Variants in TBC1D5 observed in about 807,000 individuals in gnomAD.
The protein encoded by TBC1D5 is TBC1 domain family member 5.
In TBC1D5, 75 loss-of-function variants were observed where a neutral mutation model predicts 100.3. The observed-to-expected ratio is 0.75, with a 90% CI of 0.62 to 0.91. The LOEUF (loss-of-function observed/expected upper bound fraction) is 0.91. Among genes scored for constraint, TBC1D5 ranks in the 40% least tolerant of loss-of-function variants. The pLI is 0.00. For missense variants in TBC1D5, 910 were observed against 942.4 expected (o/e 0.97, Z 0.45); for synonymous variants, 323 against 325.6 (o/e 0.99, Z 0.09).
At chr3:17,603,363 G>A (rs563986236) in intron 2 of TBC1D5, among the ~76,000 whole-genome samples, 8 of 152,072 alleles carry the variant, frequency 5.3e-5, no homozygotes, top group African/African-American at 1.4e-4. Context: ...CCAGAAGAAC[G>A]CACAAAAACC....
chr3:17,552,694 A>T (rs945649533), intron 2 of TBC1D5, among the ~76,000 whole-genome samples: 2 of 152,136 alleles, frequency 1.3e-5, no homozygotes, highest in African/African-American at 2.4e-5. Flanking sequence ...AATTTCAAAA[A>T]GTTGATGAGA....
At position 17,428,431 on chromosome 3, in the gene TBC1D5, A is replaced by G. The variant is rs368955593; in HGVS notation, c.167+19T>C. 2.1e-4 allele frequency: 149 copies of G among 714,146 alleles called. No individual in the cohort carries two copies. Among genetic ancestry groups the G allele is most frequent in the East Asian group, 5.8e-4 (15 of 25,940 alleles). 44.2% of individuals were successfully genotyped at this position (714,146 alleles called of 1,614,324 possible). ...TGTGTGTATATATATATATATATAT[A>G]TATGTATTCATCACCTACCTATAGG... On this transcript the variant is annotated intron_variant, in intron 4 of 21. Transcript: ENST00000253692.
chr3:17,709,965 G>A (rs1369380169), intron 1 of TBC1D5, among the ~76,000 whole-genome samples: 4 of 152,078 alleles, frequency 2.6e-5, no homozygotes, highest in African/African-American at 4.8e-5. Context: ...CTGTCCTCTC[G>A]GGAAGGAGCA....
At chr3:17,715,769 T>C (rs1431561115) in intron 1 of TBC1D5, among the ~76,000 whole-genome samples, 2 of 151,748 alleles carry the variant, frequency 1.3e-5, no homozygotes, top group African/African-American at 4.8e-5. Context: ...ACCACTGCAC[T>C]CTACCCTGGA....
At chr3:17,450,377 G>T (rs1218878720) in intron 3 of TBC1D5, among the ~76,000 whole-genome samples, 3 of 152,180 alleles carry the variant, frequency 2.0e-5, no homozygotes, top group African/African-American at 7.2e-5. Context: ...ACTGGACAGA[G>T]AATGAGTTTG....
intron 2 of TBC1D5, among the ~76,000 whole-genome samples, chr3:17,539,137 G>C (rs903074985): frequency 6.6e-6 from 1 of 152,154 alleles, no homozygotes; most frequent in African/African-American, 2.4e-5. Flanking sequence ...AATAAGCCAA[G>C]ATCGCACCAC....
At chr3:17,406,670 C>T (rs983713927) in intron 4 of TBC1D5, 144 bp from the exon 5 acceptor site, 17 of 621,328 alleles carry the variant, frequency 2.7e-5, no homozygotes, top group East Asian at 5.8e-5. Flanking sequence ...TGTTTCTGAA[C>T]GCATGGCTGT....
At chr3:17,186,286 A>G (rs2069061739) in intron 18 of TBC1D5, among the ~76,000 whole-genome samples, 1 of 152,224 alleles carries the variant, frequency 6.6e-6, no homozygotes, top group African/African-American at 2.4e-5. Flanking sequence ...GGAAATTAAT[A>G]GTTGAAAAGG....
rs780098102 is a variant in TBC1D5, at chr3:17,177,491, T to C, written c.1852+7618A>G. ...AGGCAGTGGGCTCTCTGCCCAGAGTTTAGGTGCATGCATGTTTGAAGCATG... is the reference window on the plus strand; with the variant it reads ...AGGCAGTGGGCTCTCTGCCCAGAGTCTAGGTGCATGCATGTTTGAAGCATG... On this transcript the variant is annotated intron_variant, in intron 19 of 21. Transcript: ENST00000253692. 4.5e-4 allele frequency among the ~76,000 whole-genome samples: 68 copies of C among 152,268 alleles called. 1 individual carries two copies. Among genetic ancestry groups the C allele is most frequent in the South Asian group, 6.2e-4 (3 of 4,822 alleles).
chr3:17,218,968 G>C (rs1041458155), intron 17 of TBC1D5, among the ~76,000 whole-genome samples: 3 of 151,698 alleles, frequency 2.0e-5, no homozygotes, highest in African/African-American at 7.3e-5. Context: ...AAATATTTCA[G>C]CCAGCATTTC....
intron 13 of TBC1D5, among the ~76,000 whole-genome samples, chr3:17,347,436 T>C (rs896082879): frequency 2.0e-5 from 3 of 152,158 alleles, no homozygotes; most frequent in Non-Finnish European, 1.5e-5. Context: ...TCTTGTTTCC[T>C]CTCAATATAG....
chr3:17,247,019 T>C (rs1311110042), intron 16 of TBC1D5, among the ~76,000 whole-genome samples: 1 of 152,190 alleles, frequency 6.6e-6, no homozygotes, highest in Non-Finnish European at 1.5e-5. Flanking sequence ...ACCTGTTTTT[T>C]TTCACCTGGG....
chr3:17,252,802 A>G (rs533205307), intron 16 of TBC1D5, among the ~76,000 whole-genome samples: 1 of 152,348 alleles, frequency 6.6e-6, no homozygotes, highest in Admixed American at 6.5e-5. Flanking sequence ...CTCTGTGAGA[A>G]CAGGCACCAC....
intron 2 of TBC1D5, among the ~76,000 whole-genome samples, chr3:17,574,899 C>T (rs2096648372): frequency 6.6e-6 from 1 of 152,086 alleles, no homozygotes; most frequent in South Asian, 2.1e-4. Flanking sequence ...GCTACAGGAA[C>T]AACAAGTGAG....
intron 3 of TBC1D5, among the ~76,000 whole-genome samples, chr3:17,496,907 CCTT>C (rs2095714200): frequency 6.6e-6 from 1 of 152,136 alleles, no homozygotes. Context: ...TTTACAAAAA[CCTT>C]CTACCTGGCC....
At chr3:17,435,127 C>T (rs2094512198) in intron 3 of TBC1D5, among the ~76,000 whole-genome samples, 1 of 152,188 alleles carries the variant, frequency 6.6e-6, no homozygotes, top group African/African-American at 2.4e-5. Context: ...AAGTTCCAAA[C>T]TTTCCCACAT....
chr3:17,508,598 G>A, exon 3 of TBC1D5: 1 of 1,516,066 alleles, frequency 6.6e-7, no homozygotes. Context: ...GTCACCAAAA[G>A]TAACTACCTG....
At chr3:17,417,797 C>G (rs2094119767) in intron 4 of TBC1D5, among the ~76,000 whole-genome samples, 1 of 152,138 alleles carries the variant, frequency 6.6e-6, no homozygotes, top group Non-Finnish European at 1.5e-5. Context: ...AACTAGTTTA[C>G]AGTCCCACCA....
chr3:17,476,751 T>C (rs2095442720), intron 3 of TBC1D5, among the ~76,000 whole-genome samples: 1 of 151,964 alleles, frequency 6.6e-6, no homozygotes. Context: ...TCTATATTTA[T>C]TCAGGTCTTC....
Sources: allele counts gnomAD v4.1 joint callset (sites outside exome capture counted in the v4.1 genomes callset), GRCh38; gene constraint gnomAD v4.1.1; transcripts MANE v1.5; gene names NCBI Gene and HGNC (gene_info 2026-07-23, HGNC 2026-07-21).